DNAJC15: variants seen among roughly 807,000 people sequenced by gnomAD.
DNAJC15 encodes the protein dnaJ homolog subfamily C member 15.
A neutral mutation model predicts 22.4 loss-of-function variants in DNAJC15; 27 were observed. That is an observed-to-expected ratio of 1.20 (90% confidence interval 0.89 to 1.66). The LOEUF is 1.66. Among genes scored for constraint, DNAJC15 ranks in the 40% most tolerant of loss-of-function variants. The pLI is 0.00. For missense variants in DNAJC15, 208 were observed against 187.1 expected (o/e 1.11, Z -0.65); for synonymous variants, 79 against 63.2 (o/e 1.25, Z -1.19).
At chr13:43,104,578 A>G (rs1018714006) in intron 5 of DNAJC15, among the ~76,000 whole-genome samples, 2 of 152,186 alleles carry the variant, frequency 1.3e-5, no homozygotes, top group Non-Finnish European at 2.9e-5. Flanking sequence ...AGATACAGAA[A>G]TACTAAGGGT....
intron 1 of DNAJC15, among the ~76,000 whole-genome samples, chr13:43,042,381 T>C (rs1245117954): frequency 6.6e-6 from 1 of 152,230 alleles, no homozygotes; most frequent in Non-Finnish European, 1.5e-5. Context: ...ACTATAGTTT[T>C]GTTTCTTCCT....
intron 1 of DNAJC15, among the ~76,000 whole-genome samples, chr13:43,037,740 T>C (rs536746711): frequency 6.6e-6 from 1 of 152,322 alleles, no homozygotes; most frequent in South Asian, 2.1e-4. Context: ...ATGCCCTAAC[T>C]TAAAAAAATT....
chr13:43,083,935 A>G (rs183598037), intron 4 of DNAJC15, among the ~76,000 whole-genome samples: 35 of 152,330 alleles, frequency 2.3e-4, no homozygotes, highest in African/African-American at 8.2e-4. Context: ...ATGGAAGACT[A>G]TTTTATGTGC....
intron 5 of DNAJC15, among the ~76,000 whole-genome samples, chr13:43,093,944 G>A (rs1402605972): frequency 1.3e-5 from 2 of 152,128 alleles, no homozygotes; most frequent in African/African-American, 4.8e-5. Context: ...CATTCATTCT[G>A]TTGTGATATG....
chr13:43,059,011 G>C (rs1200749803), intron 1 of DNAJC15, among the ~76,000 whole-genome samples: 1 of 152,156 alleles, frequency 6.6e-6, no homozygotes, highest in Non-Finnish European at 1.5e-5. Context: ...TGCTTTCAAA[G>C]GGTCTGTGAA....
At chr13:43,073,794 TTCG>T (rs1334150842) in intron 3 of DNAJC15, among the ~76,000 whole-genome samples, 3 of 152,054 alleles carry the variant, frequency 2.0e-5, no homozygotes, top group African/African-American at 7.2e-5. Context: ...TCAAAGGCAC[TTCG>T]GAAAGCAAAA....
intron 1 of DNAJC15, among the ~76,000 whole-genome samples, chr13:43,029,692 C>G (rs1378480765): frequency 1.3e-5 from 2 of 151,810 alleles, no homozygotes; most frequent in African/African-American, 4.8e-5. Flanking sequence ...ATATTTGAAA[C>G]CAGGTAGTGG....
chr13:43,044,822 C>A (rs534024274), intron 1 of DNAJC15, among the ~76,000 whole-genome samples: 1 of 152,004 alleles, frequency 6.6e-6, no homozygotes, highest in Non-Finnish European at 1.5e-5. Flanking sequence ...CCACTTTCCT[C>A]ATTTCCATCA....
intron 1 of DNAJC15, among the ~76,000 whole-genome samples, chr13:43,057,930 C>A (rs1593316947): frequency 1.3e-5 from 2 of 152,226 alleles, no homozygotes; most frequent in Admixed American, 1.3e-4. Flanking sequence ...GGAGTGTCTG[C>A]AAAGAGTCAA....
At chr13:43,075,000 G>C (rs1052331569) in intron 3 of DNAJC15, among the ~76,000 whole-genome samples, 3 of 152,202 alleles carry the variant, frequency 2.0e-5, no homozygotes, top group African/African-American at 7.2e-5. Flanking sequence ...CGTGGTGCCT[G>C]AGTGCAGATT....
At chr13:43,063,107 T>A (rs533693327) in intron 1 of DNAJC15, among the ~76,000 whole-genome samples, 1 of 152,222 alleles carries the variant, frequency 6.6e-6, no homozygotes, top group Non-Finnish European at 1.5e-5. Context: ...CCTTCCAGGT[T>A]CAAGTGACTC....
chr13:43,040,099 C>T (rs1300981592), intron 1 of DNAJC15, among the ~76,000 whole-genome samples: 1 of 152,182 alleles, frequency 6.6e-6, no homozygotes, highest in Non-Finnish European at 1.5e-5. Context: ...TAAAGAATCT[C>T]ACTCCTAGAC....
In DNAJC15 at chr13:43,111,261, T is replaced by A; in HGVS notation, c.*4013T>A. On this transcript the variant is annotated 3_prime_UTR_variant, in exon 6 of 6. Coordinates refer to ENST00000379221, the MANE Select transcript of DNAJC15 (RefSeq NM_013238.3). ...CAGCAAATATTGAATACTTACTATA[T>A]CAGGCAGTAAAGATATAAATTCATT... is the stretch of plus-strand genomic sequence containing the variant. 1 of 152,208 alleles carries A rather than the reference T, an allele frequency of 6.6e-6. No homozygotes were observed. 9.4% of individuals were successfully genotyped at this position (152,208 alleles called of 1,614,324 possible).
chr13:43,100,689 A>G (rs1469806733), intron 5 of DNAJC15, among the ~76,000 whole-genome samples: 1 of 152,152 alleles, frequency 6.6e-6, no homozygotes, highest in Admixed American at 6.5e-5. Context: ...GGCCTATTAT[A>G]TGCTCTGTCC....
chr13:43,091,253 T>G (rs955978179), intron 5 of DNAJC15, among the ~76,000 whole-genome samples: 3 of 151,950 alleles, frequency 2.0e-5, no homozygotes, highest in Non-Finnish European at 4.4e-5. Flanking sequence ...CCTGGCTAAT[T>G]TTTGTAGATT....
At chr13:43,070,603 G>A (rs953934412) in intron 3 of DNAJC15, among the ~76,000 whole-genome samples, 5 of 152,146 alleles carry the variant, frequency 3.3e-5, no homozygotes, top group Non-Finnish European at 7.4e-5. Context: ...AGAAGATAAG[G>A]GAGCAGGCCA....
At chr13:43,028,119 GTTA>G (rs568509960) in intron 1 of DNAJC15, among the ~76,000 whole-genome samples, 57 of 152,330 alleles carry the variant, frequency 3.7e-4, no homozygotes, top group African/African-American at 1.3e-3. Flanking sequence ...ATGAATGAAT[GTTA>G]TTCTTGAATG....
At chr13:43,094,371 A>T (rs938770888) in intron 5 of DNAJC15, among the ~76,000 whole-genome samples, 1 of 152,172 alleles carries the variant, frequency 6.6e-6, no homozygotes, top group African/African-American at 2.4e-5. Flanking sequence ...CTTAGGTTCC[A>T]CCCTAGACCT....
At chr13:43,076,198 C>T (rs1424812399) in intron 3 of DNAJC15, among the ~76,000 whole-genome samples, 2 of 152,116 alleles carry the variant, frequency 1.3e-5, no homozygotes, top group African/African-American at 4.8e-5. Context: ...TATATTCTCA[C>T]AGTATTGATT....
Sources: allele counts gnomAD v4.1 joint callset (sites outside exome capture counted in the v4.1 genomes callset), GRCh38; gene constraint gnomAD v4.1.1; transcripts MANE v1.5; gene names NCBI Gene and HGNC (gene_info 2026-07-23, HGNC 2026-07-21).